The following NRG1 variants were observed in gnomAD, a reference collection of about 807,000 sequenced individuals.
The protein encoded by NRG1 is neuregulin 1.
In NRG1, 18 loss-of-function variants were observed where a neutral mutation model predicts 63.8. That is an observed-to-expected ratio of 0.28 (90% CI 0.19 to 0.42). The LOEUF (loss-of-function observed/expected upper bound fraction) is 0.42. NRG1 is among the 10% of genes least tolerant of loss of function. The pLI, the probability that NRG1 is intolerant of heterozygous loss-of-function variation, is 1.00. For missense variants in NRG1, 762 were observed against 814.7 expected, an observed-to-expected ratio of 0.94 and a Z score of 0.79; for synonymous variants, 302 against 301.3, an observed-to-expected ratio of 1.00 and a Z score of -0.02.
intron 1 of NRG1, among the ~76,000 whole-genome samples, chr8:31,925,539 T>C (rs1177353504): frequency 6.6e-6 from 1 of 152,126 alleles, no homozygotes; most frequent in Non-Finnish European, 1.5e-5. Flanking sequence ...TTGGCCTGGA[T>C]ATACTCAAAT....
intron 1 of NRG1, among the ~76,000 whole-genome samples, chr8:32,556,089 CAT>C (rs2129525647): frequency 6.6e-6 from 1 of 152,260 alleles, no homozygotes; most frequent in African/African-American, 2.4e-5. Flanking sequence ...TAGATTGAAT[CAT>C]ATGAAATTGT....
chr8:32,163,987 A>G (rs1273767068), intron 1 of NRG1, among the ~76,000 whole-genome samples: 1 of 152,198 alleles, frequency 6.6e-6, no homozygotes, highest in Non-Finnish European at 1.5e-5. Context: ...GATGATGTCA[A>G]TTGTGGTTTG....
At chr8:31,910,824 G>A (rs1457389122) in intron 1 of NRG1, among the ~76,000 whole-genome samples, 1 of 152,172 alleles carries the variant, frequency 6.6e-6, no homozygotes, top group Non-Finnish European at 1.5e-5. Flanking sequence ...GTGAAGGGAA[G>A]AGCAAGAGTG....
intron 1 of NRG1, among the ~76,000 whole-genome samples, chr8:32,007,203 T>C (rs747164179): frequency 1.3e-4 from 20 of 152,048 alleles, no homozygotes; most frequent in Non-Finnish European, 2.5e-4. Context: ...AATCTAACCA[T>C]TTGCTAAGGT....
intron 5 of NRG1, among the ~76,000 whole-genome samples, chr8:32,649,467 A>G (rs1000661830): frequency 6.6e-6 from 1 of 152,208 alleles, no homozygotes; most frequent in Non-Finnish European, 1.5e-5. Context: ...AAAGTACAAG[A>G]TCAGAAAATT....
At position 32,475,969 on chromosome 8, in the gene NRG1, T is replaced by G. The variant is rs192198622; in HGVS notation, c.38-119859T>G. Among the ~76,000 whole-genome samples, 328 of 152,292 alleles carry G rather than the reference T, an allele frequency of 2.2e-3. 2 individuals are homozygous for G. Among genetic ancestry groups the G allele is most frequent in the African/African-American group, 7.5e-3 (313 of 41,560 alleles). On this transcript the variant is annotated intron_variant, in intron 1 of 10. Transcript: ENST00000519301. Reference sequence around the variant, plus strand: ...CATCACTCTGATTTTCAATTTTCTGTTCTAAGAAATGAGATCAAATATGCC... The same window carrying G: ...CATCACTCTGATTTTCAATTTTCTGGTCTAAGAAATGAGATCAAATATGCC...
intron 1 of NRG1, among the ~76,000 whole-genome samples, chr8:31,749,891 C>G (rs1816279154): frequency 1.3e-5 from 2 of 151,444 alleles, no homozygotes; most frequent in Admixed American, 1.3e-4. Flanking sequence ...TTTTTGGAAG[C>G]CAAGCCAGCA....
intron 1 of NRG1, among the ~76,000 whole-genome samples, chr8:32,050,651 G>C (rs1043882240): frequency 7.2e-5 from 11 of 152,038 alleles, no homozygotes; most frequent in African/African-American, 2.7e-4. Context: ...CAGACCACAT[G>C]ACCTCACCTC....
chr8:32,622,740 A>G (rs1461326409), intron 5 of NRG1, among the ~76,000 whole-genome samples: 2 of 152,152 alleles, frequency 1.3e-5, no homozygotes, highest in African/African-American at 2.4e-5. Flanking sequence ...TATTTTAAAC[A>G]TATATTGGGA....
At chr8:32,507,389 G>T (rs1376477977) in intron 1 of NRG1, among the ~76,000 whole-genome samples, 1 of 152,188 alleles carries the variant, frequency 6.6e-6, no homozygotes, top group South Asian at 2.1e-4. Flanking sequence ...TTTGAAGCCA[G>T]TCTGTGAATC....
chr8:32,191,346 C>T (rs2132200200), intron 1 of NRG1, among the ~76,000 whole-genome samples: 1 of 152,244 alleles, frequency 6.6e-6, no homozygotes, highest in South Asian at 2.1e-4. Flanking sequence ...TCCCAAAGTG[C>T]TGGGATTACA....
intron 1 of NRG1, among the ~76,000 whole-genome samples, chr8:32,374,084 GA>G (rs1334037485): frequency 1.3e-5 from 2 of 152,102 alleles, no homozygotes; most frequent in African/African-American, 4.8e-5. Flanking sequence ...AAGAAAGGTT[GA>G]AACTTCACAA....
intron 1 of NRG1, among the ~76,000 whole-genome samples, chr8:32,153,515 A>G (rs887312061): frequency 6.6e-6 from 1 of 152,186 alleles, no homozygotes; most frequent in African/African-American, 2.4e-5. Flanking sequence ...ATGCAAAGAA[A>G]GTATGTATTA....
intron 1 of NRG1, among the ~76,000 whole-genome samples, chr8:31,791,115 G>T (rs371068114): frequency 5.3e-5 from 8 of 150,830 alleles, no homozygotes; most frequent in African/African-American, 1.5e-4. Context: ...AGGCTGAGGC[G>T]CAAGAATCCA....
chr8:32,219,306 A>G (rs1586168889), intron 1 of NRG1, among the ~76,000 whole-genome samples: 1 of 152,212 alleles, frequency 6.6e-6, no homozygotes, highest in East Asian at 1.9e-4. Context: ...TCACCTTCCT[A>G]TGATGAGGTT....
At chr8:31,974,949 C>T (rs1275778493) in intron 1 of NRG1, among the ~76,000 whole-genome samples, 1 of 152,150 alleles carries the variant, frequency 6.6e-6, no homozygotes, top group Admixed American at 6.5e-5. Context: ...GCTTTCATGT[C>T]GCAGGGCACC....
At chr8:32,101,378 T>C (rs551719760) in intron 1 of NRG1, among the ~76,000 whole-genome samples, 65 of 151,680 alleles carry the variant, frequency 4.3e-4, no homozygotes, top group African/African-American at 1.5e-3. Context: ...GCTCAAAACA[T>C]AGGAAACAAC....
chr8:32,111,584 T>C (rs1399939464), intron 1 of NRG1, among the ~76,000 whole-genome samples: 2 of 152,232 alleles, frequency 1.3e-5, no homozygotes, highest in Non-Finnish European at 2.9e-5. Context: ...CTTGGACATA[T>C]GAATTGCAAT....
At chr8:32,538,889 A>C (rs1307074581) in intron 1 of NRG1, among the ~76,000 whole-genome samples, 1 of 152,250 alleles carries the variant, frequency 6.6e-6, no homozygotes, top group East Asian at 1.9e-4. Context: ...TGCAAGTGTT[A>C]AACTGAAGAT....
Sources: allele counts gnomAD v4.1 joint callset (sites outside exome capture counted in the v4.1 genomes callset), GRCh38; gene constraint gnomAD v4.1.1; transcripts MANE v1.5; gene names NCBI Gene and HGNC (gene_info 2026-07-23, HGNC 2026-07-21).